The following RIMBP2 variants were observed in gnomAD, a reference collection of about 807,000 sequenced individuals.
RIMBP2 encodes the protein RIMS binding protein 2.
RIMBP2 carries 48 observed loss-of-function variants against 118.6 expected under a neutral mutation model. The ratio of observed to expected loss-of-function variants is 0.40; its 90% CI spans 0.32 to 0.51. The LOEUF is 0.51. RIMBP2 is among the 20% of genes least tolerant of loss of function. The pLI, the probability that RIMBP2 is intolerant of heterozygous loss-of-function variation, is 0.41. For synonymous variants in RIMBP2, 762 were observed against 742.9 expected (o/e 1.03, Z -0.42); for missense variants, 1,551 against 1,768.3 (o/e 0.88, Z 2.20).
chr12:130,498,346 A>G (rs1477907129), intron 4 of RIMBP2, among the ~76,000 whole-genome samples: 1 of 152,248 alleles, frequency 6.6e-6, no homozygotes, highest in African/African-American at 2.4e-5. Context: ...TTACTAATTC[A>G]TCAATCAATC....
intron 1 of RIMBP2, among the ~76,000 whole-genome samples, chr12:130,713,781 T>C (rs1246178332): frequency 6.6e-6 from 1 of 152,162 alleles, no homozygotes; most frequent in Non-Finnish European, 1.5e-5. Flanking sequence ...GGCCCTCTGG[T>C]CCCTGAGGTT....
At chr12:130,681,645 G>A (rs1435918470) in intron 1 of RIMBP2, among the ~76,000 whole-genome samples, 1 of 152,094 alleles carries the variant, frequency 6.6e-6, no homozygotes, top group Non-Finnish European at 1.5e-5. Flanking sequence ...TAATTAAGAT[G>A]CGATAACTCT....
rs537077687 is a variant in RIMBP2 at position 130,543,256 on chromosome 12, A to G, written c.-216-25339T>C. Among the ~76,000 whole-genome samples, 14 of 152,294 alleles carry G rather than the reference A, an allele frequency of 9.2e-5. 1 individual carries two copies. The South Asian group carries it at 2.9e-3, about 32-fold the overall frequency. On this transcript the variant is annotated intron_variant, in intron 2 of 22. Transcript: ENST00000690449. ...TATTGATTTTATAGGCAAAATCCCCATTATCTTACTATTTGAATTGGTTTG... is the reference window on the plus strand; with the variant it reads ...TATTGATTTTATAGGCAAAATCCCCGTTATCTTACTATTTGAATTGGTTTG...
In RIMBP2 at chr12:130,517,935, G is replaced by C. The variant is rs192749247; in HGVS notation, c.-216-18C>G. 36 of 952,650 alleles carry C rather than the reference G, an allele frequency of 3.8e-5. No homozygotes were observed. Among genetic ancestry groups the C allele is most frequent in the South Asian group, 4.8e-5 (1 of 20,720 alleles). 59.0% of individuals were successfully genotyped at this position (952,650 alleles called of 1,614,324 possible). A position where few individuals can be genotyped will look rare whatever the true frequency, so the allele number is the denominator to read the frequency against. On this transcript the variant is annotated intron_variant, in intron 2 of 22. Transcript: ENST00000690449. ...TCATTTTCCTAGGACAAAAGGAAAGGACATGTGAGATGGTGCCCCCATGTT... is the reference window on the plus strand; with the variant it reads ...TCATTTTCCTAGGACAAAAGGAAAGCACATGTGAGATGGTGCCCCCATGTT...
intron 2 of RIMBP2, among the ~76,000 whole-genome samples, chr12:130,613,556 C>T (rs529185696): frequency 2.9e-4 from 44 of 152,300 alleles, no homozygotes; most frequent in African/African-American, 9.9e-4. Flanking sequence ...GTGGCTCACG[C>T]CTGTTATCCA....
At chr12:130,401,230 C>T (rs1459556584) in intron 21 of RIMBP2, among the ~76,000 whole-genome samples, 1 of 152,128 alleles carries the variant, frequency 6.6e-6, no homozygotes, top group African/African-American at 2.4e-5. Flanking sequence ...ATTCTCCCAC[C>T]TCAGCCTCCC....
intron 13 of RIMBP2, among the ~76,000 whole-genome samples, chr12:130,435,962 C>T (rs147542989): frequency 6.6e-6 from 1 of 152,340 alleles, no homozygotes; most frequent in Non-Finnish European, 1.5e-5. Flanking sequence ...CCCAGAGGAA[C>T]ACTCACAGGA....
chr12:130,686,223 CCTT>C (rs2136607472), intron 1 of RIMBP2, among the ~76,000 whole-genome samples: 1 of 152,342 alleles, frequency 6.6e-6, no homozygotes, highest in South Asian at 2.1e-4. Flanking sequence ...TAAAACCCCT[CCTT>C]CTGGAGTCCA....
intron 4 of RIMBP2, among the ~76,000 whole-genome samples, chr12:130,495,805 A>C (rs1015118208): frequency 1.3e-5 from 2 of 152,188 alleles, no homozygotes; most frequent in African/African-American, 4.8e-5. Flanking sequence ...GAACCCTTAC[A>C]TCTAGAAAGG....
intron 4 of RIMBP2, among the ~76,000 whole-genome samples, chr12:130,485,425 A>G (rs1382442167): frequency 6.6e-6 from 1 of 152,172 alleles, no homozygotes; most frequent in African/African-American, 2.4e-5. Context: ...CCACTGCCCC[A>G]CTTCTGGGTT....
intron 6 of RIMBP2, among the ~76,000 whole-genome samples, chr12:130,464,739 G>A (rs770137963): frequency 1.3e-5 from 2 of 152,232 alleles, no homozygotes. Context: ...AGGTCTCTCT[G>A]GCCTCTGAGT....
At chr12:130,517,226 C>T (rs2051562918) in intron 3 of RIMBP2, among the ~76,000 whole-genome samples, 1 of 152,022 alleles carries the variant, frequency 6.6e-6, no homozygotes, top group Non-Finnish European at 1.5e-5. Context: ...GAAGAGAGCC[C>T]TGAGCTGGTA....
chr12:130,416,653 C>T (rs1239822966), intron 17 of RIMBP2, among the ~76,000 whole-genome samples: 1 of 152,202 alleles, frequency 6.6e-6, no homozygotes, highest in Non-Finnish European at 1.5e-5. Flanking sequence ...CCATTCTGGA[C>T]ATCAGCCTTG....
At chr12:130,535,193 T>C (rs1245392347) in intron 2 of RIMBP2, among the ~76,000 whole-genome samples, 2 of 151,964 alleles carry the variant, frequency 1.3e-5, no homozygotes, top group Non-Finnish European at 2.9e-5. Context: ...TTTATGATAA[T>C]GCTTTGAAAA....
intron 1 of RIMBP2, among the ~76,000 whole-genome samples, chr12:130,669,721 G>A (rs138048674): frequency 2.3e-4 from 35 of 152,242 alleles, no homozygotes; most frequent in East Asian, 1.5e-3. Context: ...GTGTGAGAAC[G>A]GACGAACACA....
intron 2 of RIMBP2, among the ~76,000 whole-genome samples, chr12:130,522,523 T>G (rs34002774): frequency 0.41 from 62,855 of 152,080 alleles, 13,199 homozygotes; most frequent in Middle Eastern, 0.47. Context: ...TGTTTGGATA[T>G]GGTGGCTACT....
At chr12:130,499,465 C>T (rs1013942765) in intron 4 of RIMBP2, among the ~76,000 whole-genome samples, 4 of 152,222 alleles carry the variant, frequency 2.6e-5, no homozygotes, top group Non-Finnish European at 4.4e-5. Flanking sequence ...CTTCCCATCT[C>T]GCTCAGGAAG....
At chr12:130,451,556 G>A (rs2079014722) in intron 7 of RIMBP2, among the ~76,000 whole-genome samples, 1 of 152,250 alleles carries the variant, frequency 6.6e-6, no homozygotes, top group African/African-American at 2.4e-5. Context: ...AGCCACCCTG[G>A]CGGTAACGCT....
At chr12:130,549,435 G>A (rs1247169858) in intron 2 of RIMBP2, among the ~76,000 whole-genome samples, 2 of 152,158 alleles carry the variant, frequency 1.3e-5, no homozygotes, top group Non-Finnish European at 2.9e-5. Flanking sequence ...TCATATCACA[G>A]GGGCTTGTCG....
Sources: gnomAD v4.1 joint callset for allele counts (sites outside exome capture counted in the v4.1 genomes callset) on GRCh38, gnomAD v4.1.1 for gene constraint, MANE v1.5 for transcripts, NCBI Gene and HGNC (gene_info 2026-07-23, HGNC 2026-07-21) for gene names.